Variants in FSTL5 observed in about 807,000 individuals in gnomAD.
FSTL5 encodes follistatin like 5.
In FSTL5, 62 loss-of-function variants were observed where a neutral mutation model predicts 89.1. The observed-to-expected ratio is 0.70, with a 90% CI of 0.57 to 0.86. The LOEUF is 0.86. FSTL5 is among the 40% of genes least tolerant of loss of function. FSTL5 has a pLI of 0.00. For missense variants in FSTL5, 1,057 were observed against 1,001.6 expected, an observed-to-expected ratio of 1.06 and a Z score of -0.75; for synonymous variants, 383 against 346.2, an observed-to-expected ratio of 1.11 and a Z score of -1.18.
At chr4:161,503,585 C>T (rs1730375284) in intron 11 of FSTL5, among the ~76,000 whole-genome samples, 1 of 151,892 alleles carries the variant, frequency 6.6e-6, no homozygotes, top group Non-Finnish European at 1.5e-5. Context: ...ATAACATTTG[C>T]CTTGCTAATT....
chr4:161,735,669 T>A (rs1739785449), intron 6 of FSTL5, among the ~76,000 whole-genome samples: 1 of 152,166 alleles, frequency 6.6e-6, no homozygotes, highest in Non-Finnish European at 1.5e-5. Context: ...ATACTTTCAT[T>A]TGTTATTAAT....
chr4:161,968,095 C>T (rs1179253735), intron 3 of FSTL5, among the ~76,000 whole-genome samples: 1 of 151,718 alleles, frequency 6.6e-6, no homozygotes, highest in Admixed American at 6.6e-5. Flanking sequence ...TTGTTAAATA[C>T]TCTGGTCCTT....
intron 8 of FSTL5, among the ~76,000 whole-genome samples, chr4:161,557,273 A>T (rs1373228056): frequency 6.6e-6 from 1 of 151,128 alleles, no homozygotes; most frequent in Admixed American, 6.6e-5. Context: ...AAGATAAAAT[A>T]TTTCTGCACC....
intron 4 of FSTL5, among the ~76,000 whole-genome samples, chr4:161,907,494 G>T (rs1359938107): frequency 1.3e-5 from 2 of 152,226 alleles, no homozygotes; most frequent in African/African-American, 2.4e-5. Flanking sequence ...CATGCACAAT[G>T]ACCAGACAGA....
At chr4:161,764,149 G>A (rs1318419359) in intron 5 of FSTL5, among the ~76,000 whole-genome samples, 1 of 152,146 alleles carries the variant, frequency 6.6e-6, no homozygotes. Context: ...CATATTATCA[G>A]CAGTACTCTA....
At chr4:161,901,895 C>T (rs1194944711) in intron 4 of FSTL5, among the ~76,000 whole-genome samples, 3 of 151,924 alleles carry the variant, frequency 2.0e-5, no homozygotes, top group Non-Finnish European at 4.4e-5. Context: ...AGATCGCGCC[C>T]TGGCACTCCA....
At chr4:162,118,316 A>G (rs1731726392) in intron 1 of FSTL5, among the ~76,000 whole-genome samples, 1 of 151,964 alleles carries the variant, frequency 6.6e-6, no homozygotes, top group Non-Finnish European at 1.5e-5. Flanking sequence ...GCTGGAGTGC[A>G]GTGGCGCGAT....
intron 15 of FSTL5, among the ~76,000 whole-genome samples, chr4:161,451,359 A>G: frequency 6.6e-6 from 1 of 152,158 alleles, no homozygotes; most frequent in East Asian, 1.9e-4. Context: ...CTGCATGCTT[A>G]TCTGATATGC....
chr4:161,712,875 C>G (rs147365682), intron 6 of FSTL5, among the ~76,000 whole-genome samples: 4,858 of 152,192 alleles, frequency 0.032, 165 homozygotes, highest in South Asian at 0.18. Flanking sequence ...ATGTGATGCA[C>G]TGTTTCCTCC....
intron 10 of FSTL5, among the ~76,000 whole-genome samples, chr4:161,530,682 T>C (rs114815304): frequency 0.012 from 1,783 of 152,128 alleles, 28 homozygotes; most frequent in African/African-American, 0.04. Context: ...TCTATTATAA[T>C]ATATTTAGAC....
intron 15 of FSTL5, among the ~76,000 whole-genome samples, chr4:161,446,602 T>C (rs1462835956): frequency 6.6e-6 from 1 of 152,072 alleles, no homozygotes; most frequent in Non-Finnish European, 1.5e-5. Context: ...ACATTATCTT[T>C]TTCTTCACCA....
At chr4:161,904,708 G>A (rs10018683) in intron 4 of FSTL5, among the ~76,000 whole-genome samples, 142,515 of 151,700 alleles carry the variant, frequency 0.94, 67,418 homozygotes, top group Non-Finnish European at 1. Flanking sequence ...ATTAAAATTA[G>A]TAATGATTTG....
chr4:161,952,971 A>C (rs1403502211), intron 3 of FSTL5, among the ~76,000 whole-genome samples: 1 of 151,752 alleles, frequency 6.6e-6, no homozygotes, highest in Non-Finnish European at 1.5e-5. Context: ...AAATTATATG[A>C]TCATTTACTA....
At chr4:161,896,915 T>G (rs1733175340) in intron 4 of FSTL5, among the ~76,000 whole-genome samples, 1 of 152,100 alleles carries the variant, frequency 6.6e-6, no homozygotes, top group South Asian at 2.1e-4. Flanking sequence ...TTGGCATATA[T>G]AATAAACAAA....
intron 4 of FSTL5, among the ~76,000 whole-genome samples, chr4:161,830,766 T>C (rs1730818895): frequency 6.6e-6 from 1 of 151,906 alleles, no homozygotes; most frequent in Non-Finnish European, 1.5e-5. Flanking sequence ...TGTCAAAGAA[T>C]TTTGCAGCAA....
chr4:161,765,220 T>C (rs1228356052), intron 5 of FSTL5, among the ~76,000 whole-genome samples: 1 of 152,204 alleles, frequency 6.6e-6, no homozygotes, highest in South Asian at 2.1e-4. Context: ...CTCTAAGGGA[T>C]GATCTGGACA....
At chr4:161,698,182 C>T (rs1738246104) in intron 6 of FSTL5, among the ~76,000 whole-genome samples, 1 of 152,114 alleles carries the variant, frequency 6.6e-6, no homozygotes, top group African/African-American at 2.4e-5. Flanking sequence ...AGAAGATGGC[C>T]ATTTGTGAAA....
At chr4:161,834,305 A>T (rs1222607214) in intron 4 of FSTL5, among the ~76,000 whole-genome samples, 1 of 152,174 alleles carries the variant, frequency 6.6e-6, no homozygotes, top group Non-Finnish European at 1.5e-5. Context: ...CGTATCTCAA[A>T]ATAACAAGAG....
chr4:162,016,116 T>C (rs555568844), intron 3 of FSTL5, among the ~76,000 whole-genome samples: 1 of 152,248 alleles, frequency 6.6e-6, no homozygotes, highest in South Asian at 2.1e-4. Flanking sequence ...TCTGGGCAAC[T>C]GGCATCCACC....
Sources: gnomAD v4.1 joint callset for allele counts (sites outside exome capture counted in the v4.1 genomes callset) on GRCh38, gnomAD v4.1.1 for gene constraint, MANE v1.5 for transcripts, NCBI Gene and HGNC (gene_info 2026-07-23, HGNC 2026-07-21) for gene names.